The following ZFR variants were observed in gnomAD, a reference collection of about 807,000 sequenced individuals.
ZFR encodes zinc finger RNA binding protein.
Under a neutral mutation model 130.7 loss-of-function variants are expected in ZFR, and 19 were observed. The ratio of observed to expected loss-of-function variants is 0.15; its 90% CI spans 0.10 to 0.21. ZFR has a LOEUF of 0.21. Ranked by LOEUF, ZFR falls within the 10% of genes least tolerant of loss-of-function variation. The probability of loss-of-function intolerance (pLI) is 1.00; values close to 1 mark genes in which losing one functional copy is unlikely to be tolerated. For synonymous variants in ZFR, 466 were observed against 456.9 expected, an observed-to-expected ratio of 1.02 and a Z score of -0.25; for missense variants, 872 against 1,321.5, an observed-to-expected ratio of 0.66 and a Z score of 5.27.
rs1554073627 is a variant in ZFR at position 32,415,523 on chromosome 5, C to CGCGCGCGCGCGT, written c.566-337_566-336insACGCGCGCGCGC. On this transcript the variant is annotated intron_variant, in intron 4 of 19. Transcript: ENST00000265069. ...GTGTGTGTGTGTGTGTGTGCGCGCG[C>CGCGCGCGCGCGT]GCGCGCGCGCACTAGTCAGTCTACT... Among the ~76,000 whole-genome samples, 51 of 132,096 alleles carry CGCGCGCGCGCGT rather than the reference C, an allele frequency of 3.9e-4. No individual in the cohort carries two copies. In the East Asian group the frequency reaches 9.2e-3, roughly 24 times the overall value. The allele number at this position is 132,096 out of a possible 152,430, so 86.7% of individuals were successfully genotyped here.
chr5:32,383,509 T>C (rs1486819726), intron 15 of ZFR, among the ~76,000 whole-genome samples: 2 of 152,234 alleles, frequency 1.3e-5, no homozygotes, highest in East Asian at 1.9e-4. Context: ...ATAAAACAGA[T>C]CTGTCATGTG....
intron 2 of ZFR, among the ~76,000 whole-genome samples, chr5:32,440,652 CA>C (rs1249023752): frequency 2.5e-4 from 27 of 108,940 alleles, no homozygotes; most frequent in East Asian, 2.5e-4. Context: ...GTCTCAAAAA[CA>C]AAAAAAAAAA....
intron 11 of ZFR, 129 bp downstream of exon 11, chr5:32,395,030 T>C: frequency 1.5e-6 from 2 of 1,295,454 alleles, no homozygotes; most frequent in Non-Finnish European, 2.0e-6. Flanking sequence ...ACCTAGGATC[T>C]TCCTCAAGAG....
intron 4 of ZFR, 27 bp downstream of exon 4, chr5:32,417,617 CAAAG>C (rs1427256841): frequency 6.2e-7 from 1 of 1,607,756 alleles, no homozygotes; most frequent in East Asian, 2.2e-5. Context: ...CAATAGTTTA[CAAAG>C]AAACTCTGTA....
intron 11 of ZFR, among the ~76,000 whole-genome samples, chr5:32,391,514 C>T (rs113721276): frequency 0.012 from 1,746 of 142,934 alleles, 33 homozygotes; most frequent in African/African-American, 0.042. Context: ...CCAACATATG[C>T]GAAATCTACT....
intron 5 of ZFR, among the ~76,000 whole-genome samples, chr5:32,408,759 T>C (rs868205646): frequency 3.9e-5 from 6 of 152,358 alleles, no homozygotes; most frequent in African/African-American, 9.6e-5. Flanking sequence ...TTCTCAATTT[T>C]ATCTGATCAT....
At chr5:32,424,383 T>A (rs970307654) in intron 2 of ZFR, among the ~76,000 whole-genome samples, 2 of 151,796 alleles carry the variant, frequency 1.3e-5, no homozygotes, top group Admixed American at 1.3e-4. Flanking sequence ...TACAAAACAT[T>A]AGCTGGGCGC....
At chr5:32,422,156 G>C (rs1219178631) in intron 2 of ZFR, among the ~76,000 whole-genome samples, 1 of 151,844 alleles carries the variant, frequency 6.6e-6, no homozygotes. Context: ...TAGACAAAAA[G>C]CAGGTGGGAA....
Position 32,428,905 on chromosome 5 carries a change from A to G in ZFR, c.138-8802T>C, listed in dbSNP as rs547712784. Among the ~76,000 whole-genome samples the G allele has an allele frequency of 9.3e-4, 141 of 151,952 alleles. 1 individual carries two copies. Among genetic ancestry groups the G allele is most frequent in the Non-Finnish European group, 1.3e-3 (91 of 67,892 alleles). ...AGAGACATGGAAGAATTGGAAAGCA[A>G]CAGCTCACAACTTTGGGGCTACCAA... is the stretch of plus-strand genomic sequence containing the variant. On this transcript the variant is annotated intron_variant, in intron 2 of 19. Coordinates refer to ENST00000265069, the MANE Select transcript of ZFR (RefSeq NM_016107.5).
At chr5:32,440,237 C>T (rs1239572222) in intron 2 of ZFR, among the ~76,000 whole-genome samples, 1 of 152,204 alleles carries the variant, frequency 6.6e-6, no homozygotes, top group Admixed American at 6.5e-5. Flanking sequence ...TACATTTTCA[C>T]CATGTCTGAA....
chr5:32,418,435 C>A (rs932094416), intron 3 of ZFR, among the ~76,000 whole-genome samples: 2 of 152,088 alleles, frequency 1.3e-5, no homozygotes, highest in African/African-American at 4.8e-5. Flanking sequence ...CAAAAGAACA[C>A]TTGTGTTACT....
intron 17 of ZFR, among the ~76,000 whole-genome samples, chr5:32,375,827 G>A (rs550183009): frequency 6.7e-6 from 1 of 149,940 alleles, no homozygotes; most frequent in South Asian, 2.1e-4. Context: ...TTCATCTATC[G>A]ATTTATAGTT....
chr5:32,369,419 A>ATAAT (rs374899348), intron 17 of ZFR, among the ~76,000 whole-genome samples: 2,550 of 152,328 alleles, frequency 0.017, 36 homozygotes, highest in Non-Finnish European at 0.026. Flanking sequence ...GGCAGGAAGA[A>ATAAT]TAATTATAGC....
intron 17 of ZFR, among the ~76,000 whole-genome samples, chr5:32,375,189 T>C (rs1424239408): frequency 6.6e-6 from 1 of 152,156 alleles, no homozygotes; most frequent in Non-Finnish European, 1.5e-5. Context: ...TATTAAAAGG[T>C]TGAAGGAGAA....
At chr5:32,413,794 C>T (rs948529762) in intron 5 of ZFR, among the ~76,000 whole-genome samples, 2 of 152,156 alleles carry the variant, frequency 1.3e-5, no homozygotes, top group African/African-American at 4.8e-5. Context: ...ATCTAGGAAT[C>T]ATAAATTCAG....
At chr5:32,415,973 T>C (rs1561909078) in intron 4 of ZFR, among the ~76,000 whole-genome samples, 1 of 150,554 alleles carries the variant, frequency 6.6e-6, no homozygotes, top group African/African-American at 2.4e-5. Context: ...ACTTTTATCT[T>C]TTTTTTTTTT....
chr5:32,392,760 C>G (rs959453397), intron 11 of ZFR, among the ~76,000 whole-genome samples: 1 of 152,060 alleles, frequency 6.6e-6, no homozygotes, highest in Non-Finnish European at 1.5e-5. Context: ...TTTGGGAGAC[C>G]GAGGCGGGCA....
chr5:32,374,051 G>A (rs190575736), intron 17 of ZFR, among the ~76,000 whole-genome samples: 1 of 152,278 alleles, frequency 6.6e-6, no homozygotes, highest in African/African-American at 2.4e-5. Context: ...CTGCAAGAGT[G>A]GCCCAGATGC....
At chr5:32,362,711 T>C (rs1752464968) in intron 19 of ZFR, among the ~76,000 whole-genome samples, 1 of 152,236 alleles carries the variant, frequency 6.6e-6, no homozygotes, top group African/African-American at 2.4e-5. Context: ...TATTACGTCA[T>C]GAGTGCTACA....
Sources: allele counts gnomAD v4.1 joint callset (sites outside exome capture counted in the v4.1 genomes callset), GRCh38; gene constraint gnomAD v4.1.1; transcripts MANE v1.5; gene names NCBI Gene and HGNC (gene_info 2026-07-23, HGNC 2026-07-21).